Variants in MGMT observed in about 807,000 individuals in gnomAD.
MGMT encodes O-6-methylguanine-DNA methyltransferase.
MGMT carries 14 observed loss-of-function variants against 15.9 expected under a neutral mutation model. The observed-to-expected ratio is 0.88, with a 90% confidence interval of 0.58 to 1.37. The LOEUF (loss-of-function observed/expected upper bound fraction) is 1.37, where lower values mean the gene tolerates loss of function less well. Ranked by LOEUF, MGMT falls within the 40% of genes most tolerant of loss-of-function variation. The pLI, the probability that MGMT is intolerant of heterozygous loss-of-function variation, is 0.00. For synonymous variants in MGMT, 130 were observed against 118.2 expected (o/e 1.10, Z -0.65); for missense variants, 282 against 268.1 (o/e 1.05, Z -0.36).
At chr10:129,482,851 A>G (rs1711670) in intron 1 of MGMT, among the ~76,000 whole-genome samples, 66,812 of 151,970 alleles carry the variant, frequency 0.44, 15,506 homozygotes, top group East Asian at 0.63. Flanking sequence ...TAATCTGACA[A>G]TGTCTTTGTA....
intron 4 of MGMT, among the ~76,000 whole-genome samples, chr10:129,760,907 T>TG (rs2133186739): frequency 6.6e-6 from 1 of 152,306 alleles, no homozygotes; most frequent in African/African-American, 2.4e-5. Context: ...GCACATTAAT[T>TG]GCAATGTCTT....
At chr10:129,621,555 C>T (rs987796134) in intron 2 of MGMT, among the ~76,000 whole-genome samples, 9 of 152,192 alleles carry the variant, frequency 5.9e-5, no homozygotes, top group African/African-American at 1.4e-4. Context: ...GGAACAGGGA[C>T]GCACGAGTGG....
chr10:129,637,141 G>A (rs1377881300), intron 2 of MGMT, among the ~76,000 whole-genome samples: 1 of 152,256 alleles, frequency 6.6e-6, no homozygotes, highest in Non-Finnish European at 1.5e-5. Flanking sequence ...TCCACTGGGT[G>A]TAAGTGGAGT....
intron 2 of MGMT, among the ~76,000 whole-genome samples, chr10:129,625,769 G>A (rs519690): frequency 0.41 from 62,122 of 152,174 alleles, 13,823 homozygotes; most frequent in East Asian, 0.62. Flanking sequence ...GTGTGTACAC[G>A]TGTGCACCTG....
chr10:129,647,267 G>A (rs1308051659), intron 2 of MGMT, among the ~76,000 whole-genome samples: 1 of 112,132 alleles, frequency 8.9e-6, no homozygotes, highest in Non-Finnish European at 1.8e-5. Flanking sequence ...TTCAGGGGCT[G>A]CTGTGTTCAG....
chr10:129,512,582 A>G (rs75871768), intron 1 of MGMT, among the ~76,000 whole-genome samples: 1 of 152,144 alleles, frequency 6.6e-6, no homozygotes, highest in Non-Finnish European at 1.5e-5. Flanking sequence ...ATTAGAGAAG[A>G]GGAAAGTGAG....
At chr10:129,762,426 C>G (rs1167053454) in intron 4 of MGMT, among the ~76,000 whole-genome samples, 3 of 152,122 alleles carry the variant, frequency 2.0e-5, no homozygotes, top group Non-Finnish European at 4.4e-5. Context: ...TTTTGCCATG[C>G]GGAGCTTTCC....
chr10:129,723,630 C>T (rs1265337479), intron 3 of MGMT, among the ~76,000 whole-genome samples: 1 of 152,144 alleles, frequency 6.6e-6, no homozygotes, highest in Non-Finnish European at 1.5e-5. Flanking sequence ...TTACAAAACA[C>T]ATATCTGACA....
At chr10:129,670,055 T>A (rs1209344471) in intron 2 of MGMT, among the ~76,000 whole-genome samples, 1 of 152,170 alleles carries the variant, frequency 6.6e-6, no homozygotes, top group African/African-American at 2.4e-5. Context: ...ATACAGTATG[T>A]CAGGATATCC....
At chr10:129,530,849 C>T (rs1347828650) in intron 1 of MGMT, among the ~76,000 whole-genome samples, 2 of 152,220 alleles carry the variant, frequency 1.3e-5, no homozygotes, top group East Asian at 1.9e-4. Context: ...CGTGGCTCCT[C>T]GCCCGGGGGC....
chr10:129,626,572 G>C (rs1263642791), intron 2 of MGMT, among the ~76,000 whole-genome samples: 1 of 152,166 alleles, frequency 6.6e-6, no homozygotes, highest in Non-Finnish European at 1.5e-5. Flanking sequence ...AGGTTCTGAG[G>C]GTTGGCAGGG....
chr10:129,616,300 G>A (rs961143088), intron 2 of MGMT, among the ~76,000 whole-genome samples: 4 of 152,222 alleles, frequency 2.6e-5, no homozygotes. Flanking sequence ...TGCTCATCGT[G>A]AAGATGCAGA....
intron 3 of MGMT, among the ~76,000 whole-genome samples, chr10:129,750,069 C>T (rs1848736129): frequency 6.6e-6 from 1 of 151,958 alleles, no homozygotes; most frequent in African/African-American, 2.4e-5. Flanking sequence ...TAGTCTGCCT[C>T]TCGTTTTCAG....
At chr10:129,625,743 G>GCA (rs1363741324) in intron 2 of MGMT, among the ~76,000 whole-genome samples, 2 of 138,418 alleles carry the variant, frequency 1.4e-5, no homozygotes, top group Non-Finnish European at 3.1e-5. Context: ...GTGCGTGTGT[G>GCA]TGCATGCATG....
intron 1 of MGMT, among the ~76,000 whole-genome samples, chr10:129,469,773 C>T (rs1711654): frequency 0.44 from 67,451 of 152,048 alleles, 16,923 homozygotes; most frequent in East Asian, 0.62. Context: ...GTGGTGAGAT[C>T]ATAGCTCCCT....
intron 2 of MGMT, among the ~76,000 whole-genome samples, chr10:129,597,755 G>A (rs1846767963): frequency 6.6e-6 from 1 of 152,290 alleles, no homozygotes; most frequent in South Asian, 2.1e-4. Context: ...AGACTATTGA[G>A]TAGAGACCTC....
intron 1 of MGMT, among the ~76,000 whole-genome samples, chr10:129,510,920 A>G (rs1296463686): frequency 6.7e-6 from 1 of 148,590 alleles, no homozygotes; most frequent in East Asian, 2.0e-4. Context: ...ACACAGGCAC[A>G]TTCTTCCTGT....
intron 3 of MGMT, among the ~76,000 whole-genome samples, chr10:129,754,996 C>T (rs780287435): frequency 7.9e-5 from 12 of 152,224 alleles, no homozygotes; most frequent in Non-Finnish European, 7.3e-5. Context: ...GTAGTAAGTT[C>T]GGGCTGAGGA....
chr10:129,646,470 T>A (rs1185475478), intron 2 of MGMT, among the ~76,000 whole-genome samples: 1 of 151,916 alleles, frequency 6.6e-6, no homozygotes, highest in Non-Finnish European at 1.5e-5. Flanking sequence ...CCCAACTGGG[T>A]ACACTCTAAA....
Sources: gnomAD v4.1 joint callset for allele counts (sites outside exome capture counted in the v4.1 genomes callset) on GRCh38, gnomAD v4.1.1 for gene constraint, MANE v1.5 for transcripts, NCBI Gene and HGNC (gene_info 2026-07-23, HGNC 2026-07-21) for gene names.